The following MTHFD1L variants were observed in gnomAD, a reference collection of about 807,000 sequenced individuals.
MTHFD1L encodes methylenetetrahydrofolate dehydrogenase (NADP+ dependent) 1 like.
Under a neutral mutation model 119.5 loss-of-function variants are expected in MTHFD1L, and 81 were observed. The observed-to-expected ratio is 0.68, with a 90% CI of 0.57 to 0.82. MTHFD1L has a LOEUF of 0.82. Ranked by LOEUF, MTHFD1L falls within the 40% of genes least tolerant of loss-of-function variation. The pLI, the probability that MTHFD1L is intolerant of heterozygous loss-of-function variation, is 0.00. For missense variants in MTHFD1L, 1,125 were observed against 1,253.4 expected, an observed-to-expected ratio of 0.90 and a Z score of 1.55; for synonymous variants, 430 against 475.2, an observed-to-expected ratio of 0.90 and a Z score of 1.24.
At chr6:150,887,306 C>T (rs1782483095) in intron 6 of MTHFD1L, among the ~76,000 whole-genome samples, 1 of 152,108 alleles carries the variant, frequency 6.6e-6, no homozygotes, top group Non-Finnish European at 1.5e-5. Flanking sequence ...GTAAATTAGG[C>T]TGGTGAGTTA....
intron 2 of MTHFD1L, among the ~76,000 whole-genome samples, chr6:150,876,863 T>G (rs938332143): frequency 6.6e-6 from 1 of 152,234 alleles, no homozygotes; most frequent in Non-Finnish European, 1.5e-5. Flanking sequence ...GCTGCGTATT[T>G]CAGGATTACA....
intron 20 of MTHFD1L, among the ~76,000 whole-genome samples, chr6:150,972,615 AAAAATT>A (rs1798132323): frequency 6.6e-6 from 1 of 152,206 alleles, no homozygotes; most frequent in Non-Finnish European, 1.5e-5. Context: ...GCCTCTGTGA[AAAAATT>A]AAAATTAAAA....
chr6:150,975,416 C>A (rs1776417519), intron 20 of MTHFD1L, among the ~76,000 whole-genome samples: 1 of 152,124 alleles, frequency 6.6e-6, no homozygotes, highest in Admixed American at 6.5e-5. Context: ...CTTGGTCAAG[C>A]CTGCACTGTG....
At chr6:150,969,594 A>G (rs577420189) in intron 19 of MTHFD1L, among the ~76,000 whole-genome samples, 2 of 152,224 alleles carry the variant, frequency 1.3e-5, no homozygotes, top group Non-Finnish European at 2.9e-5. Context: ...TCTTCAGACT[A>G]CTTTACAAGG....
At position 151,099,453 on chromosome 6, in the gene MTHFD1L, C is replaced by CTTT. The variant is rs373291011; in HGVS notation, c.*32-2062_*32-2060dup. The CTTT allele has an allele frequency of 4.6e-4, 401 of 869,402 alleles. 2 individuals carry two copies. The African/African-American group carries it at 6.2e-3, about 13-fold the overall frequency. The allele number at this position is 869,402 out of a possible 1,614,324, so 53.9% of individuals were successfully genotyped here. On this transcript the variant is annotated intron_variant, in intron 27 of 27. Coordinates refer to ENST00000367321, the MANE Select transcript of MTHFD1L (RefSeq NM_015440.5). ...GCTGGCCGTGTCTCTGAAATATTTT[C>CTTT]TTTTTTTTTTTTTGCCCTTCTCTCT...
chr6:150,957,370 A>G (rs1795797742), intron 17 of MTHFD1L, among the ~76,000 whole-genome samples: 1 of 152,214 alleles, frequency 6.6e-6, no homozygotes, highest in South Asian at 2.1e-4. Context: ...AATAGTAGGT[A>G]CTAAATGCTA....
In MTHFD1L at chr6:150,926,656, A is replaced by G. The variant is rs1790046988; in HGVS notation, c.1256+361A>G. ...CTGAGCAGTTTGTTTTGTGCGTTCT[A>G]CTTGAAATATTTTCGTGGAAAAGGT... On this transcript the variant is annotated intron_variant, in intron 11 of 27. Transcript: ENST00000367321. The surrounding 1 kb of genome is among the most constrained non-coding windows in gnomAD (Gnocchi z 4.3). 1.3e-5 allele frequency among the ~76,000 whole-genome samples: 2 copies of G among 152,208 alleles called. No individual in the cohort carries two copies. The highest frequency in any genetic ancestry group is 4.1e-4 in the South Asian group (2 of 4,828).
intron 7 of MTHFD1L, among the ~76,000 whole-genome samples, chr6:150,888,890 A>T (rs184174668): frequency 6.6e-6 from 1 of 152,218 alleles, no homozygotes; most frequent in Non-Finnish European, 1.5e-5. Context: ...ATTAACTATT[A>T]AAGGCCGGGC....
intron 20 of MTHFD1L, among the ~76,000 whole-genome samples, chr6:150,993,238 T>C (rs1779294029): frequency 6.6e-6 from 1 of 152,194 alleles, no homozygotes; most frequent in Non-Finnish European, 1.5e-5. Context: ...AATAGTTTTT[T>C]CTTCCAAAAA....
chr6:151,030,899 A>T (rs1172378602), intron 24 of MTHFD1L, among the ~76,000 whole-genome samples: 5 of 152,218 alleles, frequency 3.3e-5, no homozygotes, highest in Admixed American at 1.3e-4. Context: ...TTTACATTAG[A>T]AGTTGCCCAT....
At chr6:150,873,365 A>G (rs1376061586) in intron 1 of MTHFD1L, among the ~76,000 whole-genome samples, 1 of 152,224 alleles carries the variant, frequency 6.6e-6, no homozygotes, top group African/African-American at 2.4e-5. Context: ...GATCAAGACT[A>G]TGAATGTTTC....
chr6:150,927,610 C>A (rs1454363457), intron 11 of MTHFD1L, among the ~76,000 whole-genome samples: 2 of 152,070 alleles, frequency 1.3e-5, no homozygotes, highest in Non-Finnish European at 1.5e-5. Flanking sequence ...GCATGCGCCA[C>A]CATGCCCAGC....
rs1040362992 is a variant in MTHFD1L, at chr6:150,885,352, C to T, written c.543-282C>T. On this transcript the variant is annotated intron_variant, in intron 5 of 27. Coordinates refer to ENST00000367321, the MANE Select transcript of MTHFD1L (RefSeq NM_015440.5). The stretch of plus-strand genomic sequence containing the variant: ...CTGGGATTACAGGCACGTGCCATCA[C>T]GCCCAGCTACCTTTTGTATTTTTAG... 5.9e-5 allele frequency among the ~76,000 whole-genome samples: 9 copies of T among 152,094 alleles called. No homozygotes were observed. In the South Asian group the frequency reaches 6.2e-4, roughly 10 times the overall value.
Position 150,949,041 on chromosome 6 carries a change from T to C in MTHFD1L, c.1634T>C (p.Ile545Thr), listed in dbSNP as rs1397781789. 1 of 1,613,472 alleles carries C rather than the reference T, an allele frequency of 6.2e-7. No individual in the cohort carries two copies. Among genetic ancestry groups the C allele is most frequent in the Non-Finnish European group, 8.5e-7 (1 of 1,179,654 alleles). Residue 545 changes from isoleucine (I) to threonine (T), a missense_variant, in exon 16 of 28, where the codon ATA (isoleucine) becomes ACA (threonine). This residue lies in a region of MTHFD1L where 1,058 missense variants were observed against 1,151.2 expected (regional missense o/e 0.92). Coordinates refer to ENST00000367321, the MANE Select transcript of MTHFD1L (RefSeq NM_015440.5). Reference protein sequence around the residue: ...IQLARLKKLGINKTDPSTLTE... With the variant: ...IQLARLKKLGTNKTDPSTLTE... Reference sequence around the variant, plus strand: ...CTTCTTAATCATTAGAAACTGGGAATAAATAAGACTGATCCGAGCACACTG... The same window carrying C: ...CTTCTTAATCATTAGAAACTGGGAACAAATAAGACTGATCCGAGCACACTG...
intron 26 of MTHFD1L, among the ~76,000 whole-genome samples, chr6:151,079,984 G>A (rs1264850426): frequency 1.3e-5 from 2 of 151,300 alleles, no homozygotes; most frequent in Non-Finnish European, 2.9e-5. Flanking sequence ...AGACCAGCCT[G>A]GCCAACGTGG....
intron 26 of MTHFD1L, chr6:151,088,405 A>C (rs1004721920): frequency 2.6e-5 from 4 of 152,166 alleles, no homozygotes; most frequent in African/African-American, 4.8e-5. Context: ...AGTTGAAACA[A>C]GAGGAAAGAC....
chr6:151,051,247 T>C (rs6914261), intron 26 of MTHFD1L, among the ~76,000 whole-genome samples: 85,436 of 152,042 alleles, frequency 0.56, 24,607 homozygotes, highest in African/African-American at 0.68. Flanking sequence ...AAATATATTT[T>C]GTATGATAGC....
intron 9 of MTHFD1L, among the ~76,000 whole-genome samples, chr6:150,920,655 G>GAT: frequency 6.6e-6 from 1 of 152,278 alleles, no homozygotes; most frequent in South Asian, 2.1e-4. Context: ...CATCCAAGCT[G>GAT]ATCATTCACG....
At chr6:151,053,225 A>T (rs942621590) in intron 26 of MTHFD1L, among the ~76,000 whole-genome samples, 1 of 152,208 alleles carries the variant, frequency 6.6e-6, no homozygotes, top group African/African-American at 2.4e-5. Context: ...TTATAAGGCC[A>T]TGGAGACCAG....
Sources: allele counts gnomAD v4.1 joint callset (sites outside exome capture counted in the v4.1 genomes callset), GRCh38; gene constraint gnomAD v4.1.1; regional missense constraint gnomAD v4.1.1; non-coding constraint Gnocchi (gnomAD v3.1); transcripts MANE v1.5; gene names NCBI Gene and HGNC (gene_info 2026-07-23, HGNC 2026-07-21).